The following COXFA4L3 variants were observed in gnomAD, a reference collection of about 807,000 sequenced individuals.
COXFA4L3 encodes the protein cytochrome c oxidase associated subunit FA4L3, also known as MIR147B host.
chr15:45,430,945 T>G, the COXFA4L3 span: 2 of 1,579,782 alleles, frequency 1.3e-6, no homozygotes. Context: ...TTGCTGTGTT[T>G]CAAATGTTTC....
At chr15:45,432,954 A>G in the COXFA4L3 span, 1 of 1,613,466 alleles carries the variant, frequency 6.2e-7, no homozygotes, top group Non-Finnish European at 8.5e-7. Flanking sequence ...TCAGCTTATA[A>G]CAATCAACCA....
the COXFA4L3 span, chr15:45,433,067 C>T: frequency 2.0e-6 from 3 of 1,512,860 alleles, no homozygotes; most frequent in African/African-American, 2.8e-5. Context: ...CTAGTGGAAA[C>T]ATTTCTGCAC....
At chr15:45,432,250 C>T in the COXFA4L3 span, 17 of 792,826 alleles carry the variant, frequency 2.1e-5, no homozygotes, top group Non-Finnish European at 3.2e-5. Flanking sequence ...GTGCCTTCAT[C>T]GAGTAATTAA....
the COXFA4L3 span, chr15:45,433,112 T>C: frequency 1.6e-6 from 2 of 1,251,658 alleles, no homozygotes; most frequent in Non-Finnish European, 2.4e-6. Flanking sequence ...GCGGAAATGC[T>C]TCTGCTACAT....
At chr15:45,430,720 A>C in the COXFA4L3 span, 2 of 1,428,346 alleles carry the variant, frequency 1.4e-6, no homozygotes, top group East Asian at 4.6e-5. Context: ...AGCGCGGTGG[A>C]CGGTTTGGCG....
At chr15:45,433,136 C>A in the COXFA4L3 span, 1 of 1,098,862 alleles carries the variant, frequency 9.1e-7, no homozygotes, top group Non-Finnish European at 1.4e-6. Context: ...TAGGGTTTGT[C>A]TACATTTTTT....
At chr15:45,430,710 A>T in the COXFA4L3 span, 4 of 1,332,022 alleles carry the variant, frequency 3.0e-6, no homozygotes, top group African/African-American at 5.9e-5. Flanking sequence ...TGGCCTGCGG[A>T]GCGCGGTGGA....
chr15:45,430,765 T>G, the COXFA4L3 span: 1 of 1,605,022 alleles, frequency 6.2e-7, no homozygotes, highest in African/African-American at 1.3e-5. Flanking sequence ...ATTTTTAATT[T>G]CTAGATTTGG....
the COXFA4L3 span, chr15:45,430,646 C>T: frequency 7.4e-6 from 5 of 675,364 alleles, no homozygotes; most frequent in South Asian, 7.8e-5. Flanking sequence ...GCGCACCGCC[C>T]GGCGTCCAGG....
At chr15:45,432,436 G>A in the COXFA4L3 span, among the ~76,000 whole-genome samples, 11,812 of 152,268 alleles carry the variant, frequency 0.078, 900 homozygotes, top group East Asian at 0.41. Context: ...AGGCCGAGGC[G>A]GGTGGATCAC....
the COXFA4L3 span, among the ~76,000 whole-genome samples, chr15:45,432,625 A>G: frequency 7.9e-5 from 12 of 152,216 alleles, no homozygotes; most frequent in African/African-American, 2.2e-4. Flanking sequence ...CAGTTGTGCC[A>G]CTGCACTCCA....
chr15:45,432,436 G>T, the COXFA4L3 span, among the ~76,000 whole-genome samples: 3 of 152,160 alleles, frequency 2.0e-5, no homozygotes, highest in Non-Finnish European at 4.4e-5. Flanking sequence ...AGGCCGAGGC[G>T]GGTGGATCAC....
the COXFA4L3 span, chr15:45,430,618 GGCGTTACCA>G: frequency 6.4e-6 from 4 of 621,334 alleles, no homozygotes; most frequent in Non-Finnish European, 1.1e-5. Flanking sequence ...TTCGGTTCCG[GGCGTTACCA>G]TCGTCCGTGC....
the COXFA4L3 span, among the ~76,000 whole-genome samples, chr15:45,431,504 G>C: frequency 1.3e-5 from 2 of 151,724 alleles, no homozygotes; most frequent in East Asian, 3.9e-4. Flanking sequence ...TAGCTTATTA[G>C]ATTTTTACTA....
the COXFA4L3 span, chr15:45,433,270 T>G: frequency 2.6e-6 from 1 of 382,610 alleles, no homozygotes; most frequent in Non-Finnish European, 4.9e-6. Flanking sequence ...TGAATGTTTT[T>G]CTTAAAATTT....
At chr15:45,432,830 C>A in the COXFA4L3 span, 2 of 770,278 alleles carry the variant, frequency 2.6e-6, no homozygotes, top group Non-Finnish European at 4.2e-6. Flanking sequence ...GAGGTAGGTA[C>A]AAACACAATG....
At chr15:45,431,245 T>C in the COXFA4L3 span, 3 of 513,622 alleles carry the variant, frequency 5.8e-6, no homozygotes, top group Non-Finnish European at 1.0e-5. Context: ...AAAACTCTTA[T>C]GATATTGTCT....
chr15:45,432,963 C>T, the COXFA4L3 span: 3 of 1,613,314 alleles, frequency 1.9e-6, no homozygotes, highest in East Asian at 2.2e-5. Context: ...AACAATCAAC[C>T]AACAATGGAA....
the COXFA4L3 span, chr15:45,430,912 A>G: frequency 2.1e-4 from 331 of 1,565,904 alleles, 2 homozygotes; most frequent in East Asian, 7.4e-3. Flanking sequence ...TTTTGAACAA[A>G]GTATAAAATA....
Sources: allele counts gnomAD v4.1 joint callset (sites outside exome capture counted in the v4.1 genomes callset), GRCh38; gene constraint gnomAD v4.1.1; transcripts MANE v1.5; gene names NCBI Gene and HGNC (gene_info 2026-07-23, HGNC 2026-07-21).